CADPS: variants seen among roughly 807,000 people sequenced by gnomAD.
CADPS encodes calcium dependent secretion activator.
Under a neutral mutation model 167.3 loss-of-function variants are expected in CADPS, and 57 were observed. The observed-to-expected ratio is 0.34, with a 90% CI of 0.28 to 0.42. CADPS has a LOEUF of 0.42. Among genes scored for constraint, CADPS ranks in the 20% least tolerant of loss-of-function variants. The pLI is 1.00. For synonymous variants in CADPS, 676 were observed against 635.3 expected (o/e 1.06, Z -0.96); for missense variants, 1,414 against 1,738.1 (o/e 0.81, Z 3.32).
chr3:62,505,780 T>A (rs2066572151), intron 17 of CADPS, among the ~76,000 whole-genome samples: 1 of 152,154 alleles, frequency 6.6e-6, no homozygotes, highest in Non-Finnish European at 1.5e-5. Context: ...TAATAGGAAA[T>A]TATATACATT....
rs1020003827 is a variant in CADPS, at chr3:62,757,741, G to C, written c.556-3968C>G. On this transcript the variant is annotated intron_variant, in intron 2 of 29. Transcript: ENST00000383710. ...GCTAATAAAGACATACCCAAGACTG[G>C]GTAATTTGTGAAGGAAAGAGATTTA... Among the ~76,000 whole-genome samples, 4 of 152,236 alleles carry C rather than the reference G, an allele frequency of 2.6e-5. No homozygotes were observed. The South Asian group carries it at 8.3e-4, about 32-fold the overall frequency.
Position 62,455,570 on chromosome 3 carries a change from A to T in CADPS, c.3637-9773T>A, listed in dbSNP as rs2058594975. On this transcript the variant is annotated intron_variant, in intron 26 of 29. Coordinates refer to ENST00000383710, the MANE Select transcript of CADPS (RefSeq NM_003716.4). This position sits in a 1 kb window ranked among gnomAD's most constrained non-coding sequence, Gnocchi z 4.4. The stretch of plus-strand genomic sequence containing the variant: ...ATTTTTGTGACATGATCTTATTTTA[A>T]GAGAAACTTGGAAGTGCAAATTGGA... 6.6e-6 allele frequency among the ~76,000 whole-genome samples: 1 copy of T among 152,198 alleles called. No homozygotes were observed.
chr3:62,814,166 C>T (rs2152889168), intron 1 of CADPS, among the ~76,000 whole-genome samples: 1 of 152,188 alleles, frequency 6.6e-6, no homozygotes, highest in Admixed American at 6.5e-5. Flanking sequence ...AACTCATTTC[C>T]CCAATCCTGT....
chr3:62,813,272 A>G (rs912586464), intron 1 of CADPS, among the ~76,000 whole-genome samples: 1 of 151,984 alleles, frequency 6.6e-6, no homozygotes, highest in African/African-American at 2.4e-5. Context: ...CAGACACATA[A>G]TCCAGTAGAA....
At chr3:62,694,784 A>C (rs1027413355) in intron 3 of CADPS, among the ~76,000 whole-genome samples, 1 of 152,042 alleles carries the variant, frequency 6.6e-6, no homozygotes, top group Non-Finnish European at 1.5e-5. Flanking sequence ...AAATGGCCCA[A>C]CTTAAAGGTA....
chr3:62,665,320 A>G (rs568781428), intron 3 of CADPS, among the ~76,000 whole-genome samples: 61 of 152,350 alleles, frequency 4.0e-4, no homozygotes, highest in Middle Eastern at 3.4e-3. Flanking sequence ...ATTCCACCAA[A>G]AATCACAGAG....
chr3:62,810,834 G>C (rs1468660185), intron 1 of CADPS, among the ~76,000 whole-genome samples: 1 of 152,226 alleles, frequency 6.6e-6, no homozygotes, highest in African/African-American at 2.4e-5. Context: ...GATTGTGAGG[G>C]CGCAGGGCTC....
intron 6 of CADPS, among the ~76,000 whole-genome samples, chr3:62,645,046 A>G (rs1408072610): frequency 1.3e-5 from 2 of 152,248 alleles, no homozygotes; most frequent in African/African-American, 4.8e-5. Flanking sequence ...TGTATTATGT[A>G]ACATACTACC....
chr3:62,516,318 G>A, intron 15 of CADPS, 136 bp from the exon 16 acceptor site: 1 of 1,196,224 alleles, frequency 8.4e-7, no homozygotes, highest in Non-Finnish European at 1.2e-6. Flanking sequence ...TAAAGAGAAA[G>A]CACCAGAATT....
rs535388601 is a variant in CADPS, at chr3:62,693,175, G to A, written c.889-30781C>T. On this transcript the variant is annotated intron_variant, in intron 3 of 29. Coordinates refer to ENST00000383710, the MANE Select transcript of CADPS (RefSeq NM_003716.4). ...CTGCTTCAGTCCACTTTCTTAGAGG[G>A]GTCCTCCCTGACCATTTCATCCCCA... Among the ~76,000 whole-genome samples, 23 of 151,994 alleles carry A rather than the reference G, an allele frequency of 1.5e-4. No homozygotes were observed. In the South Asian group the frequency reaches 4.8e-3, roughly 32 times the overall value.
intron 17 of CADPS, among the ~76,000 whole-genome samples, chr3:62,510,988 A>T (rs2067694557): frequency 6.6e-6 from 1 of 152,044 alleles, no homozygotes; most frequent in African/African-American, 2.4e-5. Context: ...GTCCAGTTCT[A>T]CCCTATTCCC....
chr3:62,485,317 T>C (rs150374175), intron 21 of CADPS, among the ~76,000 whole-genome samples: 3,414 of 152,290 alleles, frequency 0.022, 60 homozygotes, highest in Non-Finnish European at 0.037. Context: ...TTATAATCCA[T>C]GCTGGCGAAA....
intron 1 of CADPS, among the ~76,000 whole-genome samples, chr3:62,867,715 C>T (rs1045815667): frequency 6.6e-6 from 1 of 152,006 alleles, no homozygotes; most frequent in Non-Finnish European, 1.5e-5. Flanking sequence ...CTTGCCCAGT[C>T]CTTTCAGATA....
At chr3:62,655,557 T>C (rs1267041982) in intron 4 of CADPS, among the ~76,000 whole-genome samples, 2 of 152,192 alleles carry the variant, frequency 1.3e-5, no homozygotes, top group Admixed American at 6.5e-5. Flanking sequence ...AAAAATAGCA[T>C]TTGAAAGTTC....
intron 3 of CADPS, among the ~76,000 whole-genome samples, chr3:62,694,362 C>T (rs535258810): frequency 2.0e-5 from 3 of 152,182 alleles, no homozygotes; most frequent in African/African-American, 7.2e-5. Flanking sequence ...GGTGTCCTAA[C>T]TAATTCTATC....
intron 22 of CADPS, among the ~76,000 whole-genome samples, chr3:62,479,786 T>C (rs75186682): frequency 0.052 from 7,960 of 152,264 alleles, 402 homozygotes; most frequent in African/African-American, 0.13. Context: ...TGGTGGGTGA[T>C]TGAGAATCCA....
intron 1 of CADPS, among the ~76,000 whole-genome samples, chr3:62,853,599 T>C (rs923357667): frequency 1.4e-5 from 2 of 141,616 alleles, no homozygotes; most frequent in African/African-American, 5.3e-5. Context: ...CACTCCAGCC[T>C]GAGCAACCAG....
At chr3:62,712,559 A>C (rs964821127) in intron 3 of CADPS, among the ~76,000 whole-genome samples, 1 of 152,232 alleles carries the variant, frequency 6.6e-6, no homozygotes, top group Admixed American at 6.5e-5. Flanking sequence ...ATGAATTAAA[A>C]ATGAAGCCTT....
intron 23 of CADPS, among the ~76,000 whole-genome samples, chr3:62,475,601 A>AAAAAAAC (rs2061203993): frequency 6.7e-6 from 1 of 148,708 alleles, no homozygotes; most frequent in African/African-American, 2.5e-5. Context: ...AAAAAAAAAA[A>AAAAAAAC]AAAAAAAAAA....
Sources: allele counts gnomAD v4.1 joint callset (sites outside exome capture counted in the v4.1 genomes callset), GRCh38; gene constraint gnomAD v4.1.1; non-coding constraint Gnocchi (gnomAD v3.1); transcripts MANE v1.5; gene names NCBI Gene and HGNC (gene_info 2026-07-23, HGNC 2026-07-21).